WDR89: variants seen among roughly 807,000 people sequenced by gnomAD.
WDR89 encodes WD repeat-containing protein 89.
WDR89 carries 17 observed loss-of-function variants against 29.1 expected under a neutral mutation model. The ratio of observed to expected loss-of-function variants is 0.58; its 90% CI spans 0.40 to 0.88. The LOEUF (loss-of-function observed/expected upper bound fraction) is 0.88, where lower values mean the gene tolerates loss of function less well. Among genes scored for constraint, WDR89 ranks in the 40% least tolerant of loss-of-function variants. The probability of loss-of-function intolerance (pLI) is 0.00; values close to 1 mark genes in which losing one functional copy is unlikely to be tolerated. For missense variants in WDR89, 396 were observed against 456.3 expected (o/e 0.87, Z 1.20); for synonymous variants, 138 against 157.8 (o/e 0.87, Z 0.94).
chr14:63,610,574 T>C (rs138911980), intron 2 of WDR89, among the ~76,000 whole-genome samples: 1 of 152,094 alleles, frequency 6.6e-6, no homozygotes, highest in Non-Finnish European at 1.5e-5. Context: ...CATGTTCCTA[T>C]CATGAACCCC....
intron 1 of WDR89, among the ~76,000 whole-genome samples, chr14:63,629,698 T>C (rs891038231): frequency 2.6e-5 from 4 of 152,202 alleles, no homozygotes; most frequent in African/African-American, 4.8e-5. Context: ...GGAGACGACA[T>C]TGAAGCAAGC....
chr14:63,635,217 C>T (rs1280360554), intron 1 of WDR89, among the ~76,000 whole-genome samples: 3 of 152,074 alleles, frequency 2.0e-5, no homozygotes, highest in Admixed American at 2.0e-4. Flanking sequence ...AACATAAATG[C>T]TAAGATCCTT....
chr14:63,611,359 A>G (rs73263604), intron 2 of WDR89, among the ~76,000 whole-genome samples: 5,738 of 139,552 alleles, frequency 0.041, 208 homozygotes, highest in African/African-American at 0.089. Flanking sequence ...AAAAAAAAAA[A>G]GCTTTAAGAT....
chr14:63,601,796 T>C, intron 2 of WDR89: 2 of 1,156,416 alleles, frequency 1.7e-6, no homozygotes, highest in Non-Finnish European at 2.6e-6. Flanking sequence ...GTGACGTTCT[T>C]GGAAAGTACG....
chr14:63,623,301 T>C (rs1253767167), intron 2 of WDR89, among the ~76,000 whole-genome samples: 1 of 141,190 alleles, frequency 7.1e-6, no homozygotes, highest in African/African-American at 2.6e-5. Context: ...CCAAAACCAA[T>C]CATAGAGAAA....
rs200461481 is a variant in WDR89, at chr14:63,605,211, T to TACACACACACACACAC, written c.-31-5254_-31-5239dup. The stretch of plus-strand genomic sequence containing the variant: ...ACACACACACATATATACATACACA[T>TACACACACACACACAC]ACACACACACACACACACACACACA... On this transcript the variant is annotated intron_variant, in intron 2 of 2. Transcript: ENST00000620954. Among the ~76,000 whole-genome samples the TACACACACACACACAC allele has an allele frequency of 7.8e-3, 798 of 102,528 alleles. 11 individuals carry two copies. Among genetic ancestry groups the TACACACACACACACAC allele is most frequent in the African/African-American group, 0.022 (772 of 35,524 alleles). 67.3% of individuals were successfully genotyped at this position (102,528 alleles called of 152,430 possible). A position where few individuals can be genotyped will look rare whatever the true frequency, so the allele number is the denominator to read the frequency against.
chr14:63,607,570 A>G (rs1410931194), intron 2 of WDR89, among the ~76,000 whole-genome samples: 1 of 152,116 alleles, frequency 6.6e-6, no homozygotes, highest in African/African-American at 2.4e-5. Flanking sequence ...AGTTATACAT[A>G]TTTTACTGAA....
chr14:63,619,721 T>C (rs1167048902), intron 2 of WDR89, among the ~76,000 whole-genome samples: 1 of 151,982 alleles, frequency 6.6e-6, no homozygotes, highest in Non-Finnish European at 1.5e-5. Flanking sequence ...AAATTAAAAA[T>C]AGGCTGGGCA....
chr14:63,639,006 C>CA (rs1883922254), intron 1 of WDR89, among the ~76,000 whole-genome samples: 2 of 152,130 alleles, frequency 1.3e-5, no homozygotes, highest in Non-Finnish European at 2.9e-5. Context: ...ATAAGAGAGG[C>CA]AGAGGGAGAT....
intron 2 of WDR89, among the ~76,000 whole-genome samples, chr14:63,612,149 C>T (rs1345897063): frequency 6.6e-6 from 1 of 152,034 alleles, no homozygotes; most frequent in Non-Finnish European, 1.5e-5. Flanking sequence ...ATCTCTAGAC[C>T]TGAGATGATT....
At chr14:63,633,815 C>T (rs1566801582) in intron 1 of WDR89, among the ~76,000 whole-genome samples, 1 of 152,118 alleles carries the variant, frequency 6.6e-6, no homozygotes, top group Non-Finnish European at 1.5e-5. Context: ...CAGAAAAAAA[C>T]GGATATTAAG....
chr14:63,629,728 T>C (rs1442766286), intron 1 of WDR89, among the ~76,000 whole-genome samples: 4 of 152,104 alleles, frequency 2.6e-5, no homozygotes, highest in Admixed American at 6.6e-5. Context: ...GGTCTTAGAG[T>C]TGTCTATCTT....
rs889390637 is a variant in WDR89 at position 63,597,711 on chromosome 14, C to A, written c.*1068G>T. 3 of 152,026 alleles carry A rather than the reference C, an allele frequency of 2.0e-5. No individual in the cohort carries two copies. The highest frequency in any genetic ancestry group is 2.0e-4 in the Admixed American group (3 of 15,240). The allele number at this position is 152,026 out of a possible 1,614,324, so 9.4% of individuals were successfully genotyped here. On this transcript the variant is annotated 3_prime_UTR_variant, in exon 3 of 3. Transcript: ENST00000620954. Reference sequence around the variant, plus strand: ...CTTATATTTTAAAGATTCTGAAAAACACAATTTTTAACGCTTATGTAGTCC... The same window carrying A: ...CTTATATTTTAAAGATTCTGAAAAAAACAATTTTTAACGCTTATGTAGTCC...
intron 2 of WDR89, among the ~76,000 whole-genome samples, chr14:63,607,960 C>A (rs1010681669): frequency 1.3e-5 from 2 of 151,268 alleles, no homozygotes; most frequent in Non-Finnish European, 2.9e-5. Context: ...GTAATCCCAA[C>A]ACTTTGGGAG....
chr14:63,609,500 A>T (rs1261742839), intron 2 of WDR89, among the ~76,000 whole-genome samples: 1 of 152,164 alleles, frequency 6.6e-6, no homozygotes, highest in Non-Finnish European at 1.5e-5. Flanking sequence ...ACCTCTAAAG[A>T]GCATATGGCC....
intron 1 of WDR89, among the ~76,000 whole-genome samples, chr14:63,633,534 T>G (rs1457912879): frequency 6.6e-6 from 1 of 152,204 alleles, no homozygotes; most frequent in Non-Finnish European, 1.5e-5. Flanking sequence ...ATTTTGAGGT[T>G]GATTCACTAT....
rs777981551 is a variant in WDR89, at chr14:63,599,116, T to C, written c.827A>G (p.Tyr276Cys). 1 of 1,614,092 alleles carries C rather than the reference T, an allele frequency of 6.2e-7. No homozygotes were observed. The highest frequency in any genetic ancestry group is 8.5e-7 in the Non-Finnish European group (1 of 1,180,016). ...TTCATGATATAGGCCACCAATCAAA[T>C]AGTCCAAAGCATCTTCTTTCATGTT... ...VVNMKEDALDYLIGGLYHEKT... is the reference protein window; with the variant it reads ...VVNMKEDALDCLIGGLYHEKT... Residue 276 changes from tyrosine (Y) to cysteine (C), a missense_variant, in exon 3 of 3, where the codon TAT (tyrosine) becomes TGT (cysteine). Physicochemically the swap from Tyr to Cys is radical, Grantham distance 194. Transcript: ENST00000620954.
rs1894960653 is a variant in WDR89, at chr14:63,599,663, C to A, written c.280G>T (p.Val94Leu). 1 of 1,614,230 alleles carries A rather than the reference C, an allele frequency of 6.2e-7. No individual in the cohort carries two copies. The highest frequency in any genetic ancestry group is 1.3e-5 in the African/African-American group (1 of 75,070). ...GCTACTCGAGCATCCCAGCATTTCA[C>A]AGTGCCATCAGTACATGCTGAATAT... ...SVYSACTDGTVKCWDARVARE... is the reference protein window; with the variant it reads ...SVYSACTDGTLKCWDARVARE... The change falls in exon 3 of 3, where the codon GTG becomes TTG. Residue 94 changes from valine to leucine, a missense_variant. By Grantham distance (32) the Val-to-Leu change is conservative (BLOSUM62 1). Coordinates refer to ENST00000620954, the MANE Select transcript of WDR89 (RefSeq NM_080666.4).
intron 1 of WDR89, among the ~76,000 whole-genome samples, chr14:63,639,763 T>A (rs185146500): frequency 6.6e-6 from 1 of 152,342 alleles, no homozygotes; most frequent in Admixed American, 6.5e-5. Flanking sequence ...TCAGTCGTAT[T>A]TGCAGCTCAT....
Sources: allele counts gnomAD v4.1 joint callset (sites outside exome capture counted in the v4.1 genomes callset), GRCh38; gene constraint gnomAD v4.1.1; transcripts MANE v1.5; gene names NCBI Gene and HGNC (gene_info 2026-07-23, HGNC 2026-07-21).